FBXL13: variants seen among roughly 807,000 people sequenced by gnomAD.
The protein encoded by FBXL13 is F-box and leucine-rich repeat protein 13.
In FBXL13, 67 loss-of-function variants were observed where a neutral mutation model predicts 83.6. That is an observed-to-expected ratio of 0.80 (90% CI 0.66 to 0.98). The LOEUF (loss-of-function observed/expected upper bound fraction) is 0.98, where lower values mean the gene tolerates loss of function less well. Ranked by LOEUF, FBXL13 falls within the 50% of genes least tolerant of loss-of-function variation. The pLI is 0.00. For missense variants in FBXL13, 822 were observed against 866.5 expected (o/e 0.95, Z 0.64); for synonymous variants, 272 against 299.5 (o/e 0.91, Z 0.95).
At chr7:102,934,561 AAAGGAACAATT>A in intron 8 of FBXL13, 1 of 1,324,376 alleles carries the variant, frequency 7.6e-7, no homozygotes, top group Non-Finnish European at 1.1e-6. Context: ...ATGAAGAAGA[AAAGGAACAATT>A]GGACCCGAAA....
At chr7:102,972,145 AAAT>A (rs1331019107) in intron 6 of FBXL13, among the ~76,000 whole-genome samples, 1 of 152,218 alleles carries the variant, frequency 6.6e-6, no homozygotes, top group East Asian at 1.9e-4. Context: ...CATGAAATGC[AAAT>A]AATAACAATG....
At chr7:103,031,611 G>A (rs1327158541) in intron 2 of FBXL13, among the ~76,000 whole-genome samples, 3 of 152,078 alleles carry the variant, frequency 2.0e-5, no homozygotes, top group Admixed American at 6.6e-5. Context: ...CCAGACACCC[G>A]TAGTTACAAA....
At chr7:102,929,202 T>A (rs146815494) in intron 9 of FBXL13, among the ~76,000 whole-genome samples, 194 of 152,298 alleles carry the variant, frequency 1.3e-3, no homozygotes, top group African/African-American at 4.3e-3. Flanking sequence ...TGAAAAGATG[T>A]TTTACTGTGG....
At chr7:102,841,606 A>G (rs1375269487) in intron 17 of FBXL13, among the ~76,000 whole-genome samples, 1 of 152,242 alleles carries the variant, frequency 6.6e-6, no homozygotes, top group African/African-American at 2.4e-5. Flanking sequence ...CAAACTGTCA[A>G]ATCCCACATC....
At chr7:103,032,334 A>G (rs1046441800) in intron 2 of FBXL13, among the ~76,000 whole-genome samples, 1 of 152,220 alleles carries the variant, frequency 6.6e-6, no homozygotes, top group Non-Finnish European at 1.5e-5. Flanking sequence ...TTTCTATTTT[A>G]AAGTATATAA....
At chr7:103,047,264 CT>C (rs1796373339) in intron 2 of FBXL13, among the ~76,000 whole-genome samples, 1 of 152,102 alleles carries the variant, frequency 6.6e-6, no homozygotes, top group Non-Finnish European at 1.5e-5. Flanking sequence ...ATGATTTTAT[CT>C]TTTCCATGAT....
At chr7:102,966,901 CCTCTG>C (rs1474220313) in intron 7 of FBXL13, among the ~76,000 whole-genome samples, 1 of 152,136 alleles carries the variant, frequency 6.6e-6, no homozygotes, top group Non-Finnish European at 1.5e-5. Flanking sequence ...ACTCCAAAAA[CCTCTG>C]CTCTTGTCAA....
chr7:102,885,706 T>A (rs1259375069), intron 11 of FBXL13, among the ~76,000 whole-genome samples: 1 of 152,216 alleles, frequency 6.6e-6, no homozygotes, highest in Non-Finnish European at 1.5e-5. Context: ...TCCAAGGTCA[T>A]GAAGATTTAC....
chr7:102,863,357 G>A (rs11972019), intron 16 of FBXL13, among the ~76,000 whole-genome samples: 28,905 of 152,092 alleles, frequency 0.19, 3,005 homozygotes, highest in East Asian at 0.43. Context: ...GGGCACCCAG[G>A]ACTCCAGGAT....
intron 2 of FBXL13, among the ~76,000 whole-genome samples, chr7:103,039,672 C>A (rs1225872947): frequency 6.6e-6 from 1 of 152,062 alleles, no homozygotes; most frequent in Non-Finnish European, 1.5e-5. Flanking sequence ...GGCCAATATT[C>A]AACATTCTTA....
chr7:103,018,199 C>A (rs190716604), intron 6 of FBXL13, among the ~76,000 whole-genome samples: 1 of 152,106 alleles, frequency 6.6e-6, no homozygotes. Context: ...AATTTTCAAC[C>A]CAGAATTTCA....
At chr7:102,817,308 G>A (rs1798146215) in intron 19 of FBXL13, among the ~76,000 whole-genome samples, 1 of 152,092 alleles carries the variant, frequency 6.6e-6, no homozygotes, top group African/African-American at 2.4e-5. Context: ...TCTGATTGGT[G>A]CGAGATGATA....
intron 8 of FBXL13, 124 bp from the exon 10 acceptor site, chr7:102,932,057 G>GTAAGGCTCAACTTTAAGTCTGCTCCTC: frequency 1.2e-6 from 1 of 822,608 alleles, no homozygotes; most frequent in African/African-American, 1.7e-5. Context: ...CAAGTAACAT[G>GTAAGGCTCAACTTTAAGTCTGCTCCTC]TTCTAAGTAT....
chr7:102,920,025 ATG>A (rs1349131646), intron 10 of FBXL13, among the ~76,000 whole-genome samples: 1 of 152,186 alleles, frequency 6.6e-6, no homozygotes, highest in Non-Finnish European at 1.5e-5. Context: ...CACAAATAAT[ATG>A]TGTGTTCATA....
rs1797584280 is a variant in FBXL13, at chr7:102,813,491, C to T, written c.2059G>A (p.Glu687Lys). ...CGTGGAGGGTCATTAGTGTTGTATTCCTGCTGCTGAACTTTAGATGACATT... is the reference window on the plus strand; with the variant it reads ...CGTGGAGGGTCATTAGTGTTGTATTTCTGCTGCTGAACTTTAGATGACATT... Residue 687 changes from glutamate (E) to lysine (K), a missense_variant, in exon 20 of 20, where the codon GAA becomes AAA. Physicochemically the swap from Glu to Lys is moderately conservative, Grantham distance 56 (BLOSUM62 1). Coordinates refer to ENST00000313221, the Ensembl canonical transcript of FBXL13. 1 of 1,614,086 alleles carries T rather than the reference C, an allele frequency of 6.2e-7. No individual in the cohort carries two copies. Among genetic ancestry groups the T allele is most frequent in the East Asian group, 2.2e-5 (1 of 44,876 alleles).
At chr7:103,008,232 G>C (rs1409623644) in intron 6 of FBXL13, among the ~76,000 whole-genome samples, 1 of 152,208 alleles carries the variant, frequency 6.6e-6, no homozygotes, top group Non-Finnish European at 1.5e-5. Flanking sequence ...TCAAGGTTAT[G>C]AAAATTAAAG....
At chr7:102,992,044 CT>C (rs374308269) in intron 6 of FBXL13, among the ~76,000 whole-genome samples, 1 of 151,912 alleles carries the variant, frequency 6.6e-6, no homozygotes, top group African/African-American at 2.4e-5. Context: ...CACATGGGTC[CT>C]TTTTTTTAAT....
At chr7:102,935,633 G>C (rs1023569283) in intron 8 of FBXL13, among the ~76,000 whole-genome samples, 1 of 152,042 alleles carries the variant, frequency 6.6e-6, no homozygotes, top group Non-Finnish European at 1.5e-5. Flanking sequence ...GAAAACAGAC[G>C]GGAGATTTTA....
intron 8 of FBXL13, among the ~76,000 whole-genome samples, chr7:102,951,340 C>A (rs1376559757): frequency 6.9e-6 from 1 of 144,288 alleles, no homozygotes; most frequent in African/African-American, 2.6e-5. Context: ...CATGTCACTG[C>A]ACTCCAGCCT....
Sources: gnomAD v4.1 joint callset for allele counts (sites outside exome capture counted in the v4.1 genomes callset) on GRCh38, gnomAD v4.1.1 for gene constraint, MANE v1.5 for transcripts, NCBI Gene and HGNC (gene_info 2026-07-23, HGNC 2026-07-21) for gene names.